Variants in SMTNL2 observed in about 807,000 individuals in gnomAD.
SMTNL2 encodes smoothelin like 2, also known as smoothelin-like protein 2.
Under a neutral mutation model 44.1 loss-of-function variants are expected in SMTNL2, and 43 were observed. The ratio of observed to expected loss-of-function variants is 0.98; its 90% CI spans 0.76 to 1.26. The LOEUF (loss-of-function observed/expected upper bound fraction) is 1.26. SMTNL2 is among the 50% of genes most tolerant of loss of function. The pLI is 0.00. For missense variants in SMTNL2, 646 were observed against 670.2 expected, an observed-to-expected ratio of 0.96 and a Z score of 0.40; for synonymous variants, 317 against 287.6, an observed-to-expected ratio of 1.10 and a Z score of -1.03.
At position 4,607,286 on chromosome 17, in the gene SMTNL2, G is replaced by T; in HGVS notation, c.1260-75G>T. 1 of 1,594,322 alleles carries T rather than the reference G, an allele frequency of 6.3e-7. No individual in the cohort carries two copies. On this transcript the variant is annotated intron_variant, in intron 7 of 7. Transcript: ENST00000389313. The surrounding 1 kb of genome is among the most constrained non-coding windows in gnomAD (Gnocchi z 4.7). Reference sequence around the variant, plus strand: ...GGCTGAGCTCTGTTCCCGGGACCGAGACACCGGCCCTGTCGCGGCTGTGGG... The same window carrying T: ...GGCTGAGCTCTGTTCCCGGGACCGATACACCGGCCCTGTCGCGGCTGTGGG...
chr17:4,593,256 G>A, intron 3 of SMTNL2, 85 bp downstream of exon 3: 1 of 1,488,316 alleles, frequency 6.7e-7, no homozygotes, highest in Non-Finnish European at 8.9e-7. Context: ...GGGAGTCGGT[G>A]GGTGACATGG....
At position 4,584,842 on chromosome 17, in the gene SMTNL2, C is replaced by A; in HGVS notation, c.237C>A (p.Arg79=). The change falls in exon 1 of 8, where the codon CGC becomes CGA. Residue 79 remains arginine, a synonymous_variant. Coordinates refer to ENST00000389313, the MANE Select transcript of SMTNL2 (RefSeq NM_001114974.2). ...RLQAQLERLT[R]QVEALGLASG... is the part of the protein sequence containing the mutation. ...AGGCGCAGCTCGAGCGCCTGACGCG[C>A]CAGGTGGAGGCGCTGGGCTTGGCCA... The A allele has an allele frequency of 1.5e-6, 2 of 1,329,704 alleles. No homozygotes were observed. The highest frequency in any genetic ancestry group is 1.9e-5 in the South Asian group (1 of 53,512). 82.4% of individuals were successfully genotyped at this position (1,329,704 alleles called of 1,614,324 possible).
At chr17:4,589,448 G>A (rs1408819411) in intron 1 of SMTNL2, among the ~76,000 whole-genome samples, 1 of 152,100 alleles carries the variant, frequency 6.6e-6, no homozygotes, top group East Asian at 1.9e-4. Flanking sequence ...TGGTCTACAC[G>A]GCCGCAGCGT....
intron 7 of SMTNL2, among the ~76,000 whole-genome samples, chr17:4,606,271 G>A (rs1297064050): frequency 2.6e-5 from 4 of 151,840 alleles, no homozygotes; most frequent in Admixed American, 6.6e-5. Flanking sequence ...ACAGGCACAC[G>A]CCACCACGCC....
chr17:4,597,432 A>G (rs1240455859), intron 7 of SMTNL2, 109 bp downstream of exon 7: 7 of 1,455,690 alleles, frequency 4.8e-6, no homozygotes, highest in Non-Finnish European at 6.5e-6. Flanking sequence ...GCTGTCTGCA[A>G]AGCTGAAGGA....
intron 1 of SMTNL2, among the ~76,000 whole-genome samples, chr17:4,586,492 T>G (rs888921743): frequency 4.4e-5 from 6 of 136,726 alleles, no homozygotes; most frequent in Non-Finnish European, 9.3e-5. Flanking sequence ...CATATACATG[T>G]AGATGTGTGT....
intron 1 of SMTNL2, among the ~76,000 whole-genome samples, chr17:4,591,749 C>T (rs561626524): frequency 6.6e-6 from 1 of 152,344 alleles, no homozygotes; most frequent in East Asian, 1.9e-4. Flanking sequence ...TCCCCACTGG[C>T]TCTTGGCCTT....
chr17:4,584,965 C>A lies in SMTNL2; in HGVS notation c.360C>A (p.Phe120Leu). 7.3e-7 allele frequency: 1 copy of A among 1,373,400 alleles called. No homozygotes were observed. 85.1% of individuals were successfully genotyped at this position (1,373,400 alleles called of 1,614,324 possible). The change falls in exon 1 of 8, where the codon TTC becomes TTA. Residue 120 changes from phenylalanine to leucine, a missense_variant. Transcript: ENST00000389313. Reference protein sequence around the residue: ...DRAPRLGSARFASHATFSLSG... With the variant: ...DRAPRLGSARLASHATFSLSG... ...CGCCCCGCCTGGGCAGCGCACGCTT[C>A]GCCAGCCACGCCACCTTCTCGCTGT...
chr17:4,606,803 G>A (rs928757783), intron 7 of SMTNL2, among the ~76,000 whole-genome samples: 4 of 152,030 alleles, frequency 2.6e-5, no homozygotes, highest in South Asian at 2.1e-4. Context: ...CCAGCTACTC[G>A]GGAGGCTGAG....
intron 4 of SMTNL2, among the ~76,000 whole-genome samples, chr17:4,594,795 T>C (rs1025135477): frequency 2.6e-5 from 4 of 151,882 alleles, no homozygotes; most frequent in African/African-American, 9.7e-5. Context: ...TCTTATCGCA[T>C]GGTGGTGGAG....
Position 4,595,213 on chromosome 17 carries a change from G to A in SMTNL2, c.875G>A (p.Arg292Gln), listed in dbSNP as rs139026870. The change falls in exon 5 of 8, where the codon CGG (arginine) becomes CAG (glutamine). Residue 292 changes from arginine (R) to glutamine (Q), a missense_variant. Transcript: ENST00000389313. The surrounding 1 kb of genome is among the most constrained non-coding windows in gnomAD (Gnocchi z 5.1). ...PQPPAITQVHRQGERRRELVR... is the reference protein window; with the variant it reads ...PQPPAITQVHQQGERRRELVR... ...CCGCCAGCCATAACTCAGGTCCATC[G>A]GCAGGGGGAGCGTCGCAGGGAGCTG... The A allele has an allele frequency of 2.4e-5, 39 of 1,613,152 alleles. No homozygotes were observed. Among genetic ancestry groups the A allele is most frequent in the East Asian group, 1.6e-4 (7 of 44,884 alleles).
At chr17:4,590,541 G>A (rs1172719325) in intron 1 of SMTNL2, among the ~76,000 whole-genome samples, 1 of 152,120 alleles carries the variant, frequency 6.6e-6, no homozygotes, top group African/African-American at 2.4e-5. Context: ...TCAGCTCCCT[G>A]ATGCTCCAGG....
At chr17:4,591,823 G>A (rs540729839) in intron 1 of SMTNL2, among the ~76,000 whole-genome samples, 14 of 152,324 alleles carry the variant, frequency 9.2e-5, no homozygotes, top group Admixed American at 5.2e-4. Context: ...TGGATGAGTC[G>A]CACGGAGCTG....
intron 5 of SMTNL2, 34 bp from the exon 6 acceptor site, chr17:4,596,826 G>T: frequency 7.1e-7 from 1 of 1,416,318 alleles, no homozygotes; most frequent in South Asian, 1.5e-5. Context: ...GCAGCTGGAG[G>T]GGCCCCCGCA....
At position 4,598,194 on chromosome 17, in the gene SMTNL2, G is replaced by A. The variant is rs751591574; in HGVS notation, c.1259+871G>A. On this transcript the variant is annotated intron_variant, in intron 7 of 7. Coordinates refer to ENST00000389313, the MANE Select transcript of SMTNL2 (RefSeq NM_001114974.2). The surrounding 1 kb of genome is among the most constrained non-coding windows in gnomAD (Gnocchi z 4.8). ...AGTCAGCTCGCTGCGACCTGGCAGG[G>A]AGGGAGCTGTGGATAAGTGTCCCAA... 2.0e-5 allele frequency among the ~76,000 whole-genome samples: 3 copies of A among 152,174 alleles called. No individual in the cohort carries two copies. Among genetic ancestry groups the A allele is most frequent in the Non-Finnish European group, 4.4e-5 (3 of 68,026 alleles).
At chr17:4,597,379 T>G in intron 7 of SMTNL2, 56 bp downstream of exon 7, 1 of 1,591,560 alleles carries the variant, frequency 6.3e-7, no homozygotes, top group Non-Finnish European at 8.6e-7. Context: ...TGAGCCCAAC[T>G]TCTTCCCCAG....
rs538904154 is a variant in SMTNL2 at position 4,593,720 on chromosome 17, G to A, written c.731-102G>A. 2.8e-4 allele frequency: 332 copies of A among 1,180,180 alleles called. 1 individual carries two copies. Among genetic ancestry groups the A allele is most frequent in the Middle Eastern group, 9.6e-4 (5 of 5,226 alleles). The allele number at this position is 1,180,180 out of a possible 1,614,324, so 73.1% of individuals were successfully genotyped here. ...CAGAAGGTTAGCTCATCCATGCAGC[G>A]ATGCCGGGTAAATGAGGCAGGGCTG... On this transcript the variant is annotated intron_variant, in intron 3 of 7. Coordinates refer to ENST00000389313, the MANE Select transcript of SMTNL2 (RefSeq NM_001114974.2).
At position 4,584,744 on chromosome 17, in the gene SMTNL2, G is replaced by A. The variant is rs932833178; in HGVS notation, c.139G>A (p.Ala47Thr). 2.3e-6 allele frequency: 3 copies of A among 1,308,860 alleles called. No individual in the cohort carries two copies. The highest frequency in any genetic ancestry group is 2.9e-6 in the Non-Finnish European group (3 of 1,032,458). 81.1% of individuals were successfully genotyped at this position (1,308,860 alleles called of 1,614,324 possible). A position where few individuals can be genotyped will look rare whatever the true frequency, so the allele number is the denominator to read the frequency against. Residue 47 changes from alanine to threonine, a missense_variant, in exon 1 of 8, where the codon GCA becomes ACA. Physicochemically the swap from Ala to Thr is moderately conservative, Grantham distance 58. Coordinates refer to ENST00000389313, the MANE Select transcript of SMTNL2 (RefSeq NM_001114974.2). ...GLQRGVERRV[A>T]EAMRLAGPLA... ...GCAGCGCGGCGTGGAGCGGCGAGTGGCAGAGGCGATGCGCCTGGCCGGCCC... is the reference window on the plus strand; with the variant it reads ...GCAGCGCGGCGTGGAGCGGCGAGTGACAGAGGCGATGCGCCTGGCCGGCCC...
chr17:4,594,658 C>G (rs60549416), intron 4 of SMTNL2, among the ~76,000 whole-genome samples: 1 of 151,640 alleles, frequency 6.6e-6, no homozygotes, highest in Non-Finnish European at 1.5e-5. Flanking sequence ...GGCCTCCCCC[C>G]AGCCAGCCAG....
Sources: gnomAD v4.1 joint callset for allele counts (sites outside exome capture counted in the v4.1 genomes callset) on GRCh38, gnomAD v4.1.1 for gene constraint, Gnocchi (gnomAD v3.1) non-coding constraint, MANE v1.5 for transcripts, NCBI Gene and HGNC (gene_info 2026-07-23, HGNC 2026-07-21) for gene names.